The following ASIC2 variants were observed in gnomAD, a reference collection of about 807,000 sequenced individuals.
ASIC2 encodes the protein acid-sensing ion channel 2.
Under a neutral mutation model 57.3 loss-of-function variants are expected in ASIC2, and 25 were observed. That is an observed-to-expected ratio of 0.44 (90% CI 0.32 to 0.61). The LOEUF (loss-of-function observed/expected upper bound fraction) is 0.61, where lower values mean the gene tolerates loss of function less well. ASIC2 is among the 20% of genes least tolerant of loss of function. ASIC2 has a pLI of 0.06. For missense variants in ASIC2, 641 were observed against 738.1 expected, an observed-to-expected ratio of 0.87 and a Z score of 1.52; for synonymous variants, 319 against 307.5, an observed-to-expected ratio of 1.04 and a Z score of -0.39.
intron 1 of ASIC2, among the ~76,000 whole-genome samples, chr17:33,319,490 TA>T (rs2142213932): frequency 6.6e-6 from 1 of 152,320 alleles, no homozygotes; most frequent in East Asian, 1.9e-4. Flanking sequence ...CACCCTCCTT[TA>T]AAAAAGTTTT....
chr17:33,023,654 A>G (rs2091847756), intron 6 of ASIC2, among the ~76,000 whole-genome samples: 1 of 152,148 alleles, frequency 6.6e-6, no homozygotes, highest in African/African-American at 2.4e-5. Flanking sequence ...ATAAGACTGC[A>G]AGCTCCTTAA....
rs975920977 is a variant in ASIC2, at chr17:34,068,810, C to T, written c.555+87168G>A. Among the ~76,000 whole-genome samples the T allele has an allele frequency of 5.0e-4, 76 of 152,204 alleles. 1 individual carries two copies. Among genetic ancestry groups the T allele is most frequent in the Non-Finnish European group, 6.2e-4 (42 of 68,040 alleles). On this transcript the variant is annotated intron_variant, in intron 1 of 9. Coordinates refer to the ASIC2 transcript ENST00000359872. Reference sequence around the variant, plus strand: ...TATTGGACTTTCATGAGTTGGCTGTCCAGTGGGCCCTCAGGGGAGCAGGTG... The same window carrying T: ...TATTGGACTTTCATGAGTTGGCTGTTCAGTGGGCCCTCAGGGGAGCAGGTG...
chr17:33,100,816 G>T (rs141530572), intron 2 of ASIC2, among the ~76,000 whole-genome samples: 69 of 152,320 alleles, frequency 4.5e-4, no homozygotes, highest in African/African-American at 1.5e-3. Context: ...TGTCTCATCT[G>T]CTTCCTAGCT....
At chr17:33,069,494 T>G (rs1189927564) in intron 3 of ASIC2, among the ~76,000 whole-genome samples, 2 of 152,212 alleles carry the variant, frequency 1.3e-5, no homozygotes, top group Non-Finnish European at 2.9e-5. Context: ...TATCAGTTTT[T>G]GCTTTCTGTA....
At chr17:33,439,282 G>C (rs897018279) in intron 1 of ASIC2, among the ~76,000 whole-genome samples, 1 of 152,210 alleles carries the variant, frequency 6.6e-6, no homozygotes, top group African/African-American at 2.4e-5. Flanking sequence ...AGGCCTCAAA[G>C]AAGATAGTCT....
intron 1 of ASIC2, among the ~76,000 whole-genome samples, chr17:33,975,516 A>C (rs1046350407): frequency 2.0e-5 from 3 of 152,218 alleles, no homozygotes; most frequent in Admixed American, 1.3e-4. Flanking sequence ...AATGCTGACA[A>C]GTCTCAGTGG....
intron 1 of ASIC2, among the ~76,000 whole-genome samples, chr17:34,148,445 C>A (rs1235634637): frequency 6.6e-6 from 1 of 152,170 alleles, no homozygotes; most frequent in Admixed American, 6.5e-5. Flanking sequence ...AGGTTGCCCC[C>A]ATAAGGGCAT....
At chr17:34,137,029 C>A (rs1912147011) in intron 1 of ASIC2, among the ~76,000 whole-genome samples, 1 of 152,182 alleles carries the variant, frequency 6.6e-6, no homozygotes, top group Admixed American at 6.5e-5. Context: ...TAAAATGCTA[C>A]CTTTCCCATG....
At chr17:33,592,150 G>A (rs1337208427) in intron 1 of ASIC2, among the ~76,000 whole-genome samples, 1 of 152,154 alleles carries the variant, frequency 6.6e-6, no homozygotes, top group Non-Finnish European at 1.5e-5. Flanking sequence ...ACCAAGGAGG[G>A]CCCCTCCTCA....
chr17:33,056,619 C>G (rs2091999157), intron 3 of ASIC2, among the ~76,000 whole-genome samples: 3 of 152,170 alleles, frequency 2.0e-5, no homozygotes, highest in East Asian at 3.8e-4. Context: ...CTAGGACGCT[C>G]TATAAAGTTT....
chr17:33,055,540 C>A (rs2141933060), intron 3 of ASIC2, among the ~76,000 whole-genome samples: 1 of 152,288 alleles, frequency 6.6e-6, no homozygotes, highest in African/African-American at 2.4e-5. Flanking sequence ...TTCCGCTTGT[C>A]CTGCTCTGTC....
chr17:33,138,347 G>C (rs1411659454), intron 1 of ASIC2, among the ~76,000 whole-genome samples: 1 of 152,142 alleles, frequency 6.6e-6, no homozygotes, highest in Non-Finnish European at 1.5e-5. Flanking sequence ...CAGGAACCCT[G>C]AGGATTATTT....
intron 1 of ASIC2, among the ~76,000 whole-genome samples, chr17:33,325,257 G>C (rs947078359): frequency 6.6e-6 from 1 of 152,234 alleles, no homozygotes; most frequent in Non-Finnish European, 1.5e-5. Flanking sequence ...CTGATAGGGA[G>C]AAGGAGAGGA....
At chr17:34,011,484 C>T (rs934125391) in intron 1 of ASIC2, among the ~76,000 whole-genome samples, 12 of 152,168 alleles carry the variant, frequency 7.9e-5, no homozygotes, top group African/African-American at 2.7e-4. Context: ...CCTCCCCCTC[C>T]CATGGCTTCT....
rs1190798985 is a variant in ASIC2, at chr17:33,626,986, C to G, written c.556-514919G>C. ...CCTTCAGACTTGAGACTGTGTACAC[C>G]TGTCCAGTCTCACTTCTGGCCCTCA... On this transcript the variant is annotated intron_variant, in intron 1 of 9. Transcript: ENST00000359872. 3 of 152,406 alleles carry G rather than the reference C, an allele frequency of 2.0e-5. No individual in the cohort carries two copies. In the East Asian group the frequency reaches 5.8e-4, roughly 29 times the overall value. The allele number at this position is 152,406 out of a possible 1,614,324, so 9.4% of individuals were successfully genotyped here. A position where few individuals can be genotyped will look rare whatever the true frequency, so the allele number is the denominator to read the frequency against.
chr17:33,979,436 G>A (rs965902169), intron 1 of ASIC2, among the ~76,000 whole-genome samples: 5 of 152,050 alleles, frequency 3.3e-5, no homozygotes, highest in African/African-American at 9.7e-5. Context: ...TGGCTCTCCC[G>A]GAGCCTGGTG....
At chr17:33,386,939 T>C (rs1251753656) in intron 1 of ASIC2, among the ~76,000 whole-genome samples, 9 of 152,124 alleles carry the variant, frequency 5.9e-5, no homozygotes, top group Admixed American at 3.3e-4. Flanking sequence ...CATAAATTCT[T>C]TGGGGTGTGT....
chr17:34,075,808 G>A (rs1250320839), intron 1 of ASIC2, among the ~76,000 whole-genome samples: 2 of 142,550 alleles, frequency 1.4e-5, no homozygotes, highest in African/African-American at 5.2e-5. Context: ...CCTCTTTCAA[G>A]TCTTTTTCTT....
chr17:33,784,054 G>C (rs544055729), intron 1 of ASIC2, among the ~76,000 whole-genome samples: 5 of 152,206 alleles, frequency 3.3e-5, no homozygotes, highest in South Asian at 2.1e-4. Context: ...GGGGGGCCTG[G>C]AGTCTGGCAT....
Sources: allele counts gnomAD v4.1 joint callset (sites outside exome capture counted in the v4.1 genomes callset), GRCh38; gene constraint gnomAD v4.1.1; transcripts MANE v1.5; gene names NCBI Gene and HGNC (gene_info 2026-07-23, HGNC 2026-07-21).